Variants in SAMMSON observed in about 807,000 individuals in gnomAD.
The protein encoded by SAMMSON is long intergenic non-protein coding RNA 1212.
At chr3:70,071,258 T>G (rs1052088392) in intron 3 of SAMMSON, among the ~76,000 whole-genome samples, 1 of 151,948 alleles carries the variant, frequency 6.6e-6, no homozygotes, top group Admixed American at 6.6e-5. Context: ...TCTGTCTCCT[T>G]TCTTTACAAA....
chr3:70,368,292 T>C (rs1176467330), intron 9 of SAMMSON, among the ~76,000 whole-genome samples: 1 of 151,486 alleles, frequency 6.6e-6, no homozygotes, highest in Non-Finnish European at 1.5e-5. Flanking sequence ...AGGTTTTTAA[T>C]GATATTAAAA....
chr3:70,274,332 G>A (rs1303865944), intron 6 of SAMMSON, among the ~76,000 whole-genome samples: 1 of 152,040 alleles, frequency 6.6e-6, no homozygotes, highest in Non-Finnish European at 1.5e-5. Flanking sequence ...ACAAGGTTGA[G>A]AATCATCATA....
In SAMMSON at chr3:70,179,828, G is replaced by A. The variant is rs77191844; in HGVS notation, n.508-69279G>A. ...TCTTGGATTATAGTCACAGGCTTATGTCCAAAGGACATTAAGGAAAAGTTC... is the reference window on the plus strand; with the variant it reads ...TCTTGGATTATAGTCACAGGCTTATATCCAAAGGACATTAAGGAAAAGTTC... On this transcript the variant is annotated intron_variant and non_coding_transcript_variant, in intron 4 of 9. Transcript: ENST00000642114. Among the ~76,000 whole-genome samples, 106 of 152,106 alleles carry A rather than the reference G, an allele frequency of 7.0e-4. 1 individual carries two copies. The East Asian group carries it at 0.019, about 27-fold the overall frequency.
chr3:70,089,399 GA>G (rs1312398247), intron 4 of SAMMSON, among the ~76,000 whole-genome samples: 12 of 152,108 alleles, frequency 7.9e-5, no homozygotes, highest in African/African-American at 2.9e-4. Flanking sequence ...TAATGCAAAG[GA>G]AAACTGAGTC....
At chr3:70,376,423 T>A (rs1225346224) in intron 9 of SAMMSON, among the ~76,000 whole-genome samples, 1 of 152,232 alleles carries the variant, frequency 6.6e-6, no homozygotes, top group Non-Finnish European at 1.5e-5. Flanking sequence ...ATGCTTATGT[T>A]GTAAGGCAGA....
chr3:70,347,985 G>A (rs1229534996), intron 7 of SAMMSON, among the ~76,000 whole-genome samples: 1 of 152,180 alleles, frequency 6.6e-6, no homozygotes, highest in Non-Finnish European at 1.5e-5. Context: ...GGAGGTTACA[G>A]TGAGACCAGA....
intron 7 of SAMMSON, among the ~76,000 whole-genome samples, chr3:70,325,448 C>A (rs1483417269): frequency 6.6e-6 from 1 of 152,144 alleles, no homozygotes; most frequent in Non-Finnish European, 1.5e-5. Flanking sequence ...TAAGGCTCAA[C>A]TTTCAAGTGT....
At chr3:70,250,223 A>C (rs1285178627) in intron 6 of SAMMSON, among the ~76,000 whole-genome samples, 3 of 152,148 alleles carry the variant, frequency 2.0e-5, no homozygotes, top group East Asian at 1.9e-4. Flanking sequence ...GGGCCTCTTA[A>C]TTCTTCTCAT....
intron 4 of SAMMSON, among the ~76,000 whole-genome samples, chr3:70,212,802 T>C (rs1216482404): frequency 2.0e-5 from 3 of 151,916 alleles, no homozygotes; most frequent in Non-Finnish European, 4.4e-5. Context: ...CTCTCTCTTT[T>C]TTTGAGACAG....
chr3:70,266,523 T>G (rs2106666574), intron 6 of SAMMSON, among the ~76,000 whole-genome samples: 1 of 152,174 alleles, frequency 6.6e-6, no homozygotes, highest in East Asian at 1.9e-4. Flanking sequence ...TAGGCTCAAG[T>G]GATCCAGAGT....
chr3:70,102,454 C>T (rs545805876), intron 4 of SAMMSON, among the ~76,000 whole-genome samples: 3 of 152,120 alleles, frequency 2.0e-5, no homozygotes, highest in Admixed American at 6.6e-5. Context: ...TTTCTAGGGA[C>T]GTCTGGGATC....
chr3:70,164,924 T>C (rs2067630952), intron 4 of SAMMSON, among the ~76,000 whole-genome samples: 1 of 152,078 alleles, frequency 6.6e-6, no homozygotes, highest in African/African-American at 2.4e-5. Context: ...CTTCTTTGCA[T>C]TATTGAATTT....
At chr3:70,254,556 A>G (rs1456640105) in intron 6 of SAMMSON, among the ~76,000 whole-genome samples, 1 of 152,126 alleles carries the variant, frequency 6.6e-6, no homozygotes, top group Non-Finnish European at 1.5e-5. Flanking sequence ...ATACAAATCT[A>G]TTTTCCCTAA....
At chr3:70,283,062 C>T (rs1177309770) in intron 6 of SAMMSON, among the ~76,000 whole-genome samples, 1 of 152,140 alleles carries the variant, frequency 6.6e-6, no homozygotes, top group Non-Finnish European at 1.5e-5. Flanking sequence ...GACTCAGGAA[C>T]CTCAGTATGA....
At chr3:70,432,853 T>C (rs1470811237) in intron 2 of SAMMSON, among the ~76,000 whole-genome samples, 1 of 152,090 alleles carries the variant, frequency 6.6e-6, no homozygotes, top group African/African-American at 2.4e-5. Flanking sequence ...TAACCACTTA[T>C]CTTTTTACTG....
At chr3:70,017,847 G>T (rs1203246367) in intron 3 of SAMMSON, among the ~76,000 whole-genome samples, 1 of 152,060 alleles carries the variant, frequency 6.6e-6, no homozygotes, top group African/African-American at 2.4e-5. Flanking sequence ...ATAATCATGT[G>T]GTTTTTGTCT....
intron 3 of SAMMSON, among the ~76,000 whole-genome samples, chr3:70,061,204 GT>G (rs2067187123): frequency 6.6e-6 from 1 of 151,982 alleles, no homozygotes; most frequent in African/African-American, 2.4e-5. Context: ...ATGAATTTGG[GT>G]TTGCGTGTGT....
intron 3 of SAMMSON, among the ~76,000 whole-genome samples, chr3:70,051,695 A>G (rs1042886813): frequency 1.3e-5 from 2 of 151,892 alleles, no homozygotes; most frequent in African/African-American, 4.8e-5. Context: ...AAAAAATTGT[A>G]GAGTGTCTCA....
At chr3:70,135,239 C>T (rs1383263360) in intron 4 of SAMMSON, among the ~76,000 whole-genome samples, 1 of 152,114 alleles carries the variant, frequency 6.6e-6, no homozygotes, top group Admixed American at 6.5e-5. Context: ...ATGGGAATAG[C>T]TATTACCACT....
Sources: allele counts gnomAD v4.1 joint callset (sites outside exome capture counted in the v4.1 genomes callset), GRCh38; gene constraint gnomAD v4.1.1; transcripts MANE v1.5; gene names NCBI Gene and HGNC (gene_info 2026-07-23, HGNC 2026-07-21).